The following CEACAM1 variants were observed in gnomAD, a reference collection of about 807,000 sequenced individuals.
CEACAM1 encodes CEA cell adhesion molecule 1.
CEACAM1 carries 31 observed loss-of-function variants against 49.1 expected under a neutral mutation model. The observed-to-expected ratio is 0.63, with a 90% CI of 0.47 to 0.85. CEACAM1 has a LOEUF of 0.85. Among genes scored for constraint, CEACAM1 ranks in the 40% least tolerant of loss-of-function variants. CEACAM1 has a pLI of 0.00. For synonymous variants in CEACAM1, 244 were observed against 247.8 expected (o/e 0.98, Z 0.14); for missense variants, 570 against 645.3 (o/e 0.88, Z 1.26).
chr19:42,514,886 A>G lies in CEACAM1; in HGVS notation c.1247-2407T>C, dbSNP rs1301749472. The G allele has an allele frequency of 5.7e-6, 3 of 522,762 alleles. No individual in the cohort carries two copies. In the African/African-American group the frequency reaches 6.0e-5, roughly 10 times the overall value. 32.4% of individuals were successfully genotyped at this position (522,762 alleles called of 1,614,324 possible). A position where few individuals can be genotyped will look rare whatever the true frequency, so the allele number is the denominator to read the frequency against. ...CTACCTGATTTCAAGGCTAATGATA[A>G]TAGTAGTAGTAATAGCAGCTAACAT... On this transcript the variant is annotated intron_variant, in intron 5 of 8. Coordinates refer to ENST00000161559, the MANE Select transcript of CEACAM1 (RefSeq NM_001712.5).
intron 5 of CEACAM1, among the ~76,000 whole-genome samples, chr19:42,515,726 TAAGA>T (rs1348872323): frequency 6.6e-6 from 1 of 152,000 alleles, no homozygotes; most frequent in Non-Finnish European, 1.5e-5. Flanking sequence ...TTAGATTGAC[TAAGA>T]AAGAAAGAAG....
chr19:42,527,463 G>A, intron 1 of CEACAM1, 63 bp from the exon 2 acceptor site: 1 of 1,533,636 alleles, frequency 6.5e-7, no homozygotes, highest in Admixed American at 2.1e-5. Flanking sequence ...GAAAAATGGG[G>A]CCTTGGGTCC....
chr19:42,515,883 A>G (rs1288507675), intron 5 of CEACAM1, among the ~76,000 whole-genome samples: 1 of 152,200 alleles, frequency 6.6e-6, no homozygotes, highest in Non-Finnish European at 1.5e-5. Flanking sequence ...CTAGAAACAC[A>G]AAACCTGCCA....
Position 42,521,977 on chromosome 19 carries a change from A to G in CEACAM1, c.650T>C (p.Ile217Thr), listed in dbSNP as rs746315180. 1.5e-5 allele frequency: 24 copies of G among 1,614,098 alleles called. No homozygotes were observed. The highest frequency in any genetic ancestry group is 1.9e-5 in the Non-Finnish European group (23 of 1,180,044). The change falls in exon 3 of 9, where the codon ATA becomes ACA. Residue 217 changes from isoleucine (I) to threonine (T), a missense_variant. By Grantham distance (89) the Ile-to-Thr change is moderately conservative. Coordinates refer to ENST00000161559, the MANE Select transcript of CEACAM1 (RefSeq NM_001712.5). ...RNDTGPYECE[I>T]QNPVSANRSD... ...GCGGTTCGCACTCACTGGGTTCTGT[A>G]TTTCACACTCATAGGGTCCTGTGTC...
rs2041389579 is a variant in CEACAM1, at chr19:42,508,987, A to C, written c.*122T>G. ...AGCCTGGAGATGCCTATTAGGAAGGAAGAGTAGGAGAAAGTTGTTTCTGTC... is the reference window on the plus strand; with the variant it reads ...AGCCTGGAGATGCCTATTAGGAAGGCAGAGTAGGAGAAAGTTGTTTCTGTC... On this transcript the variant is annotated 3_prime_UTR_variant, in exon 9 of 9. Coordinates refer to ENST00000161559, the MANE Select transcript of CEACAM1 (RefSeq NM_001712.5). 1.7e-6 allele frequency: 2 copies of C among 1,160,954 alleles called. No individual in the cohort carries two copies. Among genetic ancestry groups the C allele is most frequent in the Non-Finnish European group, 2.5e-6 (2 of 804,288 alleles). The allele number at this position is 1,160,954 out of a possible 1,614,324, so 71.9% of individuals were successfully genotyped here. A position where few individuals can be genotyped will look rare whatever the true frequency, so the allele number is the denominator to read the frequency against.
chr19:42,522,337 C>T (rs1294912567), intron 2 of CEACAM1, 135 bp from the exon 3 acceptor site: 32 of 1,438,038 alleles, frequency 2.2e-5, no homozygotes, highest in African/African-American at 2.9e-5. Flanking sequence ...TGCAATGGCA[C>T]GATCTCGGCT....
At chr19:42,526,949 G>A in intron 2 of CEACAM1, 92 bp downstream of exon 2, 1 of 1,550,448 alleles carries the variant, frequency 6.4e-7, no homozygotes, top group South Asian at 1.3e-5. Flanking sequence ...ATAATGCAGA[G>A]GAGGACACAG....
intron 2 of CEACAM1, among the ~76,000 whole-genome samples, chr19:42,524,048 C>G (rs1230458932): frequency 6.6e-6 from 1 of 152,170 alleles, no homozygotes; most frequent in Admixed American, 6.5e-5. Context: ...TGTGGAAATT[C>G]AGGTAAAAAG....
chr19:42,522,192 G>C lies in CEACAM1; in HGVS notation c.435C>G (p.Pro145=), dbSNP rs1377914783. The change falls in exon 3 of 9, where the codon CCC becomes CCG. Residue 145 remains proline (P), a synonymous_variant. Transcript: ENST00000161559. ...AGTTGTTGCTGGAGATGGAGGGCTTGGGCAGCTCCGCTATGCAGAAAACAG... is the reference window on the plus strand; with the variant it reads ...AGTTGTTGCTGGAGATGGAGGGCTTCGGCAGCTCCGCTATGCAGAAAACAG... ...TGQFHVYPEL[P]KPSISSNNSN... 6.2e-7 allele frequency: 1 copy of C among 1,614,120 alleles called. No homozygotes were observed. Among genetic ancestry groups the C allele is most frequent in the African/African-American group, 1.3e-5 (1 of 74,936 alleles).
In CEACAM1 at chr19:42,521,467, G is replaced by A; in HGVS notation, c.758C>T (p.Ala253Val). The change falls in exon 4 of 9, where the codon GCA becomes GTA. Residue 253 changes from alanine to valine, a missense_variant. Physicochemically the swap from Ala to Val is moderately conservative, Grantham distance 64 (BLOSUM62 0). Transcript: ENST00000161559. The stretch of plus-strand genomic sequence containing the variant: ...TGCATAGCAGGAGAGGCTGAGGTTT[G>A]CCCCTGGACGGTAATAGGTGTCTGA... ...SPSDTYYRPG[A>V]NLSLSCYAAS... The A allele has an allele frequency of 6.2e-7, 1 of 1,614,206 alleles. No homozygotes were observed. The highest frequency in any genetic ancestry group is 1.1e-5 in the South Asian group (1 of 91,080).
intron 6 of CEACAM1, among the ~76,000 whole-genome samples, chr19:42,511,982 C>G (rs2041468688): frequency 1.3e-5 from 2 of 151,748 alleles, no homozygotes; most frequent in Non-Finnish European, 2.9e-5. Flanking sequence ...TCTTCCTATG[C>G]TATTTCTCCC....
chr19:42,526,106 C>T (rs1384666149), intron 2 of CEACAM1, among the ~76,000 whole-genome samples: 1 of 152,076 alleles, frequency 6.6e-6, no homozygotes. Flanking sequence ...CAGGCACGCA[C>T]CACCATGCCC....
Position 42,522,130 on chromosome 19 carries a change from G to A in CEACAM1, c.497C>T (p.Thr166Ile), listed in dbSNP as rs1175188595. Reference sequence around the variant, plus strand: ...TGTGTCCTGAGTCTCAGGTTCACAGGTGAAGGCCACAGCATCCTTGTCCTC... The same window carrying A: ...TGTGTCCTGAGTCTCAGGTTCACAGATGAAGGCCACAGCATCCTTGTCCTC... ...PVEDKDAVAF[T>I]CEPETQDTTY... Residue 166 changes from threonine to isoleucine, a missense_variant, in exon 3 of 9, where the codon ACC becomes ATC. Coordinates refer to ENST00000161559, the MANE Select transcript of CEACAM1 (RefSeq NM_001712.5). 5 of 1,614,086 alleles carry A rather than the reference G, an allele frequency of 3.1e-6. No homozygotes were observed. The highest frequency in any genetic ancestry group is 4.2e-6 in the Non-Finnish European group (5 of 1,180,048).
In CEACAM1 at chr19:42,509,042, A is replaced by G. The variant is rs2041390771; in HGVS notation, c.*67T>C. 1 of 1,600,234 alleles carries G rather than the reference A, an allele frequency of 6.2e-7. No individual in the cohort carries two copies. The highest frequency in any genetic ancestry group is 1.3e-5 in the African/African-American group (1 of 74,646). On this transcript the variant is annotated 3_prime_UTR_variant, in exon 9 of 9. Coordinates refer to ENST00000161559, the MANE Select transcript of CEACAM1 (RefSeq NM_001712.5). ...CCCCTCTACCCCTACAGGGGAAAGG[A>G]ATCTCCTAGTGATGAGGGTGAGAGA...
In CEACAM1 at chr19:42,519,051, G is replaced by C. The variant is rs760544293; in HGVS notation, c.1143C>G (p.Leu381=). Residue 381 remains leucine, a synonymous_variant, in exon 5 of 9, where the codon CTC becomes CTG. Coordinates refer to ENST00000161559, the MANE Select transcript of CEACAM1 (RefSeq NM_001712.5). ...CCTCCCTCTTGACAGGGTTTATGCT[G>C]AGGGTGGTGTTGCCCTGGGACAGCT... ...RMKLSQGNTT[L]SINPVKREDA... is the part of the protein sequence containing the mutation. The C allele has an allele frequency of 6.2e-7, 1 of 1,614,158 alleles. No individual in the cohort carries two copies.
rs2094853216 is a variant in CEACAM1, at chr19:42,508,458, A to G, written c.*651T>C. 6.6e-6 allele frequency: 1 copy of G among 152,390 alleles called. No individual in the cohort carries two copies. Among genetic ancestry groups the G allele is most frequent in the South Asian group, 2.1e-4 (1 of 4,842 alleles). 9.4% of individuals were successfully genotyped at this position (152,390 alleles called of 1,614,324 possible). On this transcript the variant is annotated 3_prime_UTR_variant, in exon 9 of 9. Coordinates refer to ENST00000161559, the MANE Select transcript of CEACAM1 (RefSeq NM_001712.5). ...GCAAGTGATTTTCCTAGTTGCTTCT[A>G]GTGGGTTCTCTGAAGACAGGCTTGC...
In CEACAM1 at chr19:42,508,052, C is replaced by T. The variant is rs2041373879; in HGVS notation, c.*1057G>A. On this transcript the variant is annotated 3_prime_UTR_variant, in exon 9 of 9. Coordinates refer to ENST00000161559, the MANE Select transcript of CEACAM1 (RefSeq NM_001712.5). ...CTGACAAAAAAAATCTTGAGAGGCT[C>T]CTGACCAAGGGACCTGAGGGATTTC... The T allele has an allele frequency of 6.6e-6, 1 of 152,114 alleles. No homozygotes were observed. The highest frequency in any genetic ancestry group is 6.5e-5 in the Admixed American group (1 of 15,278). The allele number at this position is 152,114 out of a possible 1,614,324, so 9.4% of individuals were successfully genotyped here.
At chr19:42,528,231 G>T in intron 1 of CEACAM1, 80 bp downstream of exon 1, 1 of 1,264,420 alleles carries the variant, frequency 7.9e-7, no homozygotes, top group Non-Finnish European at 1.1e-6. Flanking sequence ...TCCCCTCTTA[G>T]AGCTCCATCC....
chr19:42,526,687 G>A (rs1213565155), intron 2 of CEACAM1, among the ~76,000 whole-genome samples: 2 of 152,162 alleles, frequency 1.3e-5, no homozygotes, highest in African/African-American at 2.4e-5. Context: ...GCTTGTCTGT[G>A]AGGATCCCAG....
Sources: allele counts gnomAD v4.1 joint callset (sites outside exome capture counted in the v4.1 genomes callset), GRCh38; gene constraint gnomAD v4.1.1; transcripts MANE v1.5; gene names NCBI Gene and HGNC (gene_info 2026-07-23, HGNC 2026-07-21).